DMRT1: variants seen among roughly 807,000 people sequenced by gnomAD.
The protein encoded by DMRT1 is doublesex- and mab-3-related transcription factor 1.
In DMRT1, 7 loss-of-function variants were observed where a neutral mutation model predicts 32.3. The observed-to-expected ratio is 0.22, with a 90% CI of 0.12 to 0.41. The LOEUF (loss-of-function observed/expected upper bound fraction) is 0.41, where lower values mean the gene tolerates loss of function less well. Ranked by LOEUF, DMRT1 falls within the 10% of genes least tolerant of loss-of-function variation. The probability of loss-of-function intolerance (pLI) is 1.00; values close to 1 mark genes in which losing one functional copy is unlikely to be tolerated. For missense variants in DMRT1, 625 were observed against 500.5 expected (o/e 1.25, Z -2.37); for synonymous variants, 278 against 206.1 (o/e 1.35, Z -2.99).
rs564395809 is a variant in DMRT1 at position 842,038 on chromosome 9, G to T, written c.200G>T (p.Ser67Ile). 7 of 1,546,896 alleles carry T rather than the reference G, an allele frequency of 4.5e-6. No individual in the cohort carries two copies. Among genetic ancestry groups the T allele is most frequent in the East Asian group, 4.9e-5 (2 of 41,236 alleles). Reference protein sequence around the residue: ...GSGASDLGAGSKKSPRLPKCA... With the variant: ...GSGASDLGAGIKKSPRLPKCA... ...GGGGCGTCGGACCTGGGTGCCGGGA[G>T]CAAGAAGTCCCCGCGGCTGCCCAAG... Residue 67 changes from serine to isoleucine, a missense_variant, in exon 1 of 5, where the codon AGC becomes ATC. Ser to Ile is a moderately radical substitution (Grantham distance 142). Transcript: ENST00000382276.
At chr9:960,523 A>G (rs1207654812) in intron 4 of DMRT1, among the ~76,000 whole-genome samples, 1 of 152,226 alleles carries the variant, frequency 6.6e-6, no homozygotes, top group East Asian at 1.9e-4. Flanking sequence ...TGTCTCCTTG[A>G]TCCTCAATGC....
intron 2 of DMRT1, among the ~76,000 whole-genome samples, chr9:861,944 G>A (rs10815902): frequency 0.52 from 72,423 of 139,284 alleles, 20,347 homozygotes; most frequent in East Asian, 0.63. Flanking sequence ...CCAGATGATG[G>A]GCGGGCGGGC....
intron 2 of DMRT1, among the ~76,000 whole-genome samples, chr9:889,272 A>C (rs1050574746): frequency 1.3e-5 from 2 of 152,228 alleles, no homozygotes; most frequent in Admixed American, 1.3e-4. Context: ...TAACATATAG[A>C]ATTCGGTGGT....
chr9:862,320 C>T (rs561176505), intron 2 of DMRT1, among the ~76,000 whole-genome samples: 2 of 152,104 alleles, frequency 1.3e-5, no homozygotes, highest in Non-Finnish European at 2.9e-5. Flanking sequence ...GCCAACACGG[C>T]GAAACCCCGT....
intron 4 of DMRT1, among the ~76,000 whole-genome samples, chr9:937,844 T>C (rs1444561269): frequency 1.3e-5 from 2 of 152,084 alleles, no homozygotes; most frequent in African/African-American, 4.8e-5. Context: ...GTTTTTTTTT[T>C]ATTTTGATAA....
intron 3 of DMRT1, among the ~76,000 whole-genome samples, chr9:898,281 G>A (rs1161091171): frequency 4.6e-5 from 7 of 152,052 alleles, no homozygotes; most frequent in African/African-American, 1.7e-4. Context: ...CACCACGCCC[G>A]GCTAATTTTT....
intron 4 of DMRT1, among the ~76,000 whole-genome samples, chr9:937,118 CT>C (rs1047245224): frequency 3.9e-5 from 6 of 152,282 alleles, no homozygotes; most frequent in Non-Finnish European, 5.9e-5. Context: ...TTGCATCTGG[CT>C]TATTTCACTA....
At chr9:930,554 G>T (rs908102922) in intron 4 of DMRT1, among the ~76,000 whole-genome samples, 3 of 151,876 alleles carry the variant, frequency 2.0e-5, no homozygotes, top group Non-Finnish European at 4.4e-5. Flanking sequence ...GGCTACAGGC[G>T]CCCGCCACCA....
At chr9:842,338 A>G (rs1326756932) in intron 1 of DMRT1, 146 bp downstream of exon 1, 2 of 1,057,338 alleles carry the variant, frequency 1.9e-6, no homozygotes, top group Non-Finnish European at 2.7e-6. Flanking sequence ...GGGTTCAAGC[A>G]ATTCTCCTGC....
chr9:897,516 C>T (rs1245047731), intron 3 of DMRT1, among the ~76,000 whole-genome samples: 6 of 151,010 alleles, frequency 4.0e-5, no homozygotes, highest in Admixed American at 2.0e-4. Context: ...GATGGGAGCC[C>T]GGGAGTTGGA....
chr9:875,511 A>G (rs1299753814), intron 2 of DMRT1, among the ~76,000 whole-genome samples: 3 of 152,224 alleles, frequency 2.0e-5, no homozygotes, highest in Non-Finnish European at 4.4e-5. Flanking sequence ...AATTTCAGAA[A>G]GCATGTTAGG....
chr9:858,131 A>T (rs1193509867), intron 2 of DMRT1, among the ~76,000 whole-genome samples: 1 of 152,164 alleles, frequency 6.6e-6, no homozygotes, highest in Non-Finnish European at 1.5e-5. Context: ...AAAATTGGAA[A>T]ACCACTGTCA....
intron 2 of DMRT1, among the ~76,000 whole-genome samples, chr9:875,883 T>C (rs1393555139): frequency 1.3e-5 from 2 of 152,156 alleles, no homozygotes; most frequent in Non-Finnish European, 2.9e-5. Context: ...TTTGAACTGC[T>C]GGAAAATAGC....
At chr9:851,874 T>A (rs1039311349) in intron 2 of DMRT1, among the ~76,000 whole-genome samples, 1 of 152,152 alleles carries the variant, frequency 6.6e-6, no homozygotes, top group African/African-American at 2.4e-5. Flanking sequence ...AGAAATAGTC[T>A]TTTGAAGAAA....
chr9:855,026 C>G (rs1287324639), intron 2 of DMRT1, among the ~76,000 whole-genome samples: 1 of 151,564 alleles, frequency 6.6e-6, no homozygotes, highest in Non-Finnish European at 1.5e-5. Flanking sequence ...CTCAGCCTCC[C>G]AAAGTGCTGC....
In DMRT1 at chr9:965,176, C is replaced by T. The variant is rs959584106; in HGVS notation, c.968-2809C>T. Among the ~76,000 whole-genome samples, 1 of 152,172 alleles carries T rather than the reference C, an allele frequency of 6.6e-6. No individual in the cohort carries two copies. The highest frequency in any genetic ancestry group is 1.5e-5 in the Non-Finnish European group (1 of 68,030). On this transcript the variant is annotated intron_variant, in intron 4 of 4. Transcript: ENST00000382276. This position sits in a 1 kb window ranked among gnomAD's most constrained non-coding sequence, Gnocchi z 4.5. The stretch of plus-strand genomic sequence containing the variant: ...GGACATTAGTCACTAAGGAAAAACA[C>T]ACTAAATCTTTTCACGTACCTAGAA...
At chr9:961,074 A>G (rs751274264) in intron 4 of DMRT1, among the ~76,000 whole-genome samples, 13 of 152,328 alleles carry the variant, frequency 8.5e-5, no homozygotes, top group South Asian at 8.3e-4. Context: ...ATGAGGAAGC[A>G]GAGACATGGA....
intron 4 of DMRT1, among the ~76,000 whole-genome samples, chr9:960,589 G>C (rs768997048): frequency 6.6e-6 from 1 of 152,240 alleles, no homozygotes; most frequent in Admixed American, 6.5e-5. Context: ...GAGGCACAGG[G>C]TGTTTATTGA....
chr9:903,963 C>T (rs1817680138), intron 3 of DMRT1, among the ~76,000 whole-genome samples: 1 of 152,162 alleles, frequency 6.6e-6, no homozygotes, highest in South Asian at 2.1e-4. Context: ...AGATTCATTT[C>T]CATTGTTAGA....
Sources: gnomAD v4.1 joint callset for allele counts (sites outside exome capture counted in the v4.1 genomes callset) on GRCh38, gnomAD v4.1.1 for gene constraint, Gnocchi (gnomAD v3.1) non-coding constraint, MANE v1.5 for transcripts, NCBI Gene and HGNC (gene_info 2026-07-23, HGNC 2026-07-21) for gene names.